The following OR4S1 variants were observed in gnomAD, a reference collection of about 807,000 sequenced individuals.
The protein encoded by OR4S1 is olfactory receptor family 4 subfamily S member 1.
For missense variants in OR4S1, 531 were observed against 383.0 expected, an observed-to-expected ratio of 1.39 and a Z score of -3.23; for synonymous variants, 197 against 144.5, an observed-to-expected ratio of 1.36 and a Z score of -2.61.
chr11:48,306,892 A>G lies in OR4S1; in HGVS notation c.670A>G (p.Arg224Gly). 1 of 1,614,188 alleles carries G rather than the reference A, an allele frequency of 6.2e-7. No individual in the cohort carries two copies. The highest frequency in any genetic ancestry group is 1.1e-5 in the South Asian group (1 of 91,082). The change falls in exon 1 of 1, where the codon AGA becomes GGA. Residue 224 changes from arginine (R) to glycine (G), a missense_variant. Arg to Gly is a moderately radical substitution (Grantham distance 125). Transcript: ENST00000319988. ...CTATGTTATCATCTTACTGAACCTA[A>G]GAAGCCAGTCATCTGAGGACCGGCG... ...ISYVIILLNL[R>G]SQSSEDRRKA... is the part of the protein sequence containing the mutation.
At position 48,307,079 on chromosome 11, in the gene OR4S1, C is replaced by T. The variant is rs1851994668; in HGVS notation, c.857C>T (p.Thr286Ile). The T allele has an allele frequency of 6.2e-7, 1 of 1,613,942 alleles. No individual in the cohort carries two copies. The highest frequency in any genetic ancestry group is 1.7e-5 in the Admixed American group (1 of 60,000). The change falls in exon 1 of 1, where the codon ACA becomes ATA. Residue 286 changes from threonine (T) to isoleucine (I), a missense_variant. Transcript: ENST00000319988. ...CCTTTGCTGAACCCTTTGATCTATACACTAAGGAACAACGATGTGAAAAAT... is the reference window on the plus strand; with the variant it reads ...CCTTTGCTGAACCCTTTGATCTATATACTAAGGAACAACGATGTGAAAAAT... ...MPPLLNPLIY[T>I]LRNNDVKNAM...
rs1365062662 is a variant in OR4S1, at chr11:48,307,116, G to A, written c.894G>A (p.Lys298=). 1.2e-6 allele frequency: 2 copies of A among 1,614,094 alleles called. No individual in the cohort carries two copies. The highest frequency in any genetic ancestry group is 1.7e-6 in the Non-Finnish European group (2 of 1,179,934). The change falls in exon 1 of 1, where the codon AAG becomes AAA. Residue 298 remains lysine (K), a synonymous_variant. Transcript: ENST00000319988. ...ACGATGTGAAAAATGCCATGAGGAA[G>A]CTGTTTAGGGTCAAGAGGAGCTTAG... ...RNNDVKNAMR[K]LFRVKRSLGE... is the part of the protein sequence containing the mutation.
In OR4S1 at chr11:48,306,675, C is replaced by T. The variant is rs750947143; in HGVS notation, c.453C>T (p.Phe151=). The change falls in exon 1 of 1, where the codon TTC becomes TTT. Residue 151 remains phenylalanine (F), a synonymous_variant. Coordinates refer to ENST00000319988, the MANE Select transcript of OR4S1 (RefSeq NM_001004725.1). ...LLAGASWLAG[F]LHSILQTLLT... ...CGGGGGCCTCCTGGTTAGCTGGCTT[C>T]CTGCATTCCATCCTGCAGACCCTCC... The T allele has an allele frequency of 1.9e-6, 3 of 1,614,104 alleles. No homozygotes were observed. In the South Asian group the frequency reaches 3.3e-5, roughly 18 times the overall value.
chr11:48,307,110 G>A lies in OR4S1; in HGVS notation c.888G>A (p.Met296Ile), dbSNP rs1037722362. The change falls in exon 1 of 1, where the codon ATG becomes ATA. Residue 296 changes from methionine to isoleucine, a missense_variant. By Grantham distance (10) the Met-to-Ile change is conservative. Coordinates refer to ENST00000319988, the MANE Select transcript of OR4S1 (RefSeq NM_001004725.1). ...GGAACAACGATGTGAAAAATGCCATGAGGAAGCTGTTTAGGGTCAAGAGGA... is the reference window on the plus strand; with the variant it reads ...GGAACAACGATGTGAAAAATGCCATAAGGAAGCTGTTTAGGGTCAAGAGGA... ...TLRNNDVKNAMRKLFRVKRSL... is the reference protein window; with the variant it reads ...TLRNNDVKNAIRKLFRVKRSL... 3 of 1,614,106 alleles carry A rather than the reference G, an allele frequency of 1.9e-6. No individual in the cohort carries two copies. The South Asian group carries it at 3.3e-5, about 18-fold the overall frequency.
chr11:48,306,936 T>C lies in OR4S1; in HGVS notation c.714T>C (p.Cys238=). The C allele has an allele frequency of 1.2e-6, 2 of 1,614,226 alleles. No homozygotes were observed. Among genetic ancestry groups the C allele is most frequent in the South Asian group, 1.1e-5 (1 of 91,086 alleles). Residue 238 remains cysteine, a synonymous_variant, in exon 1 of 1, where the codon TGT becomes TGC. Transcript: ENST00000319988. ...SEDRRKAVST[C]GSHVITVLLV... ...ACCGGCGTAAGGCTGTCTCCACATG[T>C]GGCTCACACGTAATCACTGTCCTTT...
At position 48,306,781 on chromosome 11, in the gene OR4S1, T is replaced by C; in HGVS notation, c.559T>C (p.Cys187Arg). The C allele has an allele frequency of 1.2e-6, 2 of 1,614,242 alleles. No individual in the cohort carries two copies. The highest frequency in any genetic ancestry group is 1.7e-6 in the Non-Finnish European group (2 of 1,180,028). ...CDVHPLLKLA[C>R]ADTYMVGLIV... The stretch of plus-strand genomic sequence containing the variant: ...TGTTCATCCCCTGCTCAAGTTGGCC[T>C]GTGCAGACACCTACATGGTAGGTCT... Residue 187 changes from cysteine (C) to arginine (R), a missense_variant, in exon 1 of 1, where the codon TGT becomes CGT. Transcript: ENST00000319988.
In OR4S1 at chr11:48,306,507, C is replaced by T. The variant is rs1230287584; in HGVS notation, c.285C>T (p.Cys95=). The change falls in exon 1 of 1, where the codon TGC becomes TGT. Residue 95 remains cysteine (C), a synonymous_variant. Coordinates refer to ENST00000319988, the MANE Select transcript of OR4S1 (RefSeq NM_001004725.1). Reference sequence around the variant, plus strand: ...ATAAGATCATCTCCTTCAATGGCTGCATGACCCAGCTCTTTTCTGCCCACT... The same window carrying T: ...ATAAGATCATCTCCTTCAATGGCTGTATGACCCAGCTCTTTTCTGCCCACT... ...VEHKIISFNG[C]MTQLFSAHFF... The T allele has an allele frequency of 6.2e-7, 1 of 1,608,330 alleles. No individual in the cohort carries two copies. The highest frequency in any genetic ancestry group is 1.7e-5 in the Admixed American group (1 of 59,752).
In OR4S1 at chr11:48,306,295, T is replaced by C. The variant is rs750766717; in HGVS notation, c.73T>C (p.Cys25Arg). The change falls in exon 1 of 1, where the codon TGC becomes CGC. Residue 25 changes from cysteine to arginine, a missense_variant. By Grantham distance (180) the Cys-to-Arg change is radical (BLOSUM62 -3). Transcript: ENST00000319988. ...LFESREMQHT[C>R]FVVFFLFHVL... ...TGAGAGCAGAGAGATGCAGCATACA[T>C]GCTTTGTGGTATTCTTCCTCTTTCA... 1 of 1,605,484 alleles carries C rather than the reference T, an allele frequency of 6.2e-7. No homozygotes were observed. The highest frequency in any genetic ancestry group is 8.5e-7 in the Non-Finnish European group (1 of 1,173,740).
rs146061383 is a variant in OR4S1, at chr11:48,306,494, C to G, written c.272C>G (p.Ser91Cys). ...ACTTTTGTGGAGCATAAGATCATCT[C>G]CTTCAATGGCTGCATGACCCAGCTC... ...ADTFVEHKIISFNGCMTQLFS... is the reference protein window; with the variant it reads ...ADTFVEHKIICFNGCMTQLFS... Residue 91 changes from serine (S) to cysteine (C), a missense_variant, in exon 1 of 1, where the codon TCC becomes TGC. By Grantham distance (112) the Ser-to-Cys change is moderately radical. Transcript: ENST00000319988. The G allele has an allele frequency of 3.7e-6, 6 of 1,609,098 alleles. No individual in the cohort carries two copies. The African/African-American group carries it at 8.0e-5, about 22-fold the overall frequency.
At position 48,306,331 on chromosome 11, in the gene OR4S1, G is replaced by C. The variant is rs754577797; in HGVS notation, c.109G>C (p.Val37Leu). The change falls in exon 1 of 1, where the codon GTC becomes CTC. Residue 37 changes from valine to leucine, a missense_variant. Transcript: ENST00000319988. ...ATTCTTCCTCTTTCATGTGCTCACTGTCCTGGGGAACCTTCTGGTCATCAT... is the reference window on the plus strand; with the variant it reads ...ATTCTTCCTCTTTCATGTGCTCACTCTCCTGGGGAACCTTCTGGTCATCAT... Reference protein sequence around the residue: ...VVFFLFHVLTVLGNLLVIITI... With the variant: ...VVFFLFHVLTLLGNLLVIITI... The C allele has an allele frequency of 2.5e-6, 4 of 1,604,856 alleles. No homozygotes were observed. The highest frequency in any genetic ancestry group is 3.4e-6 in the Non-Finnish European group (4 of 1,172,970).
Position 48,307,048 on chromosome 11 carries a change from A to G in OR4S1, c.826A>G (p.Met276Val), listed in dbSNP as rs1255285310. ...DKLIILFNIV[M>V]PPLLNPLIYT... Reference sequence around the variant, plus strand: ...ACTTATCATCCTCTTTAACATTGTGATGCCACCTTTGCTGAACCCTTTGAT... The same window carrying G: ...ACTTATCATCCTCTTTAACATTGTGGTGCCACCTTTGCTGAACCCTTTGAT... Residue 276 changes from methionine to valine, a missense_variant, in exon 1 of 1, where the codon ATG (methionine) becomes GTG (valine). By Grantham distance (21) the Met-to-Val change is conservative (BLOSUM62 1). Coordinates refer to ENST00000319988, the MANE Select transcript of OR4S1 (RefSeq NM_001004725.1). 2 of 1,614,082 alleles carry G rather than the reference A, an allele frequency of 1.2e-6. No homozygotes were observed. Among genetic ancestry groups the G allele is most frequent in the South Asian group, 1.1e-5 (1 of 91,080 alleles).
chr11:48,306,601 C>A lies in OR4S1; in HGVS notation c.379C>A (p.Pro127Thr), dbSNP rs752920939. The change falls in exon 1 of 1, where the codon CCC becomes ACC. Residue 127 changes from proline to threonine, a missense_variant. Pro to Thr is a conservative substitution (Grantham distance 38, BLOSUM62 -1). Coordinates refer to ENST00000319988, the MANE Select transcript of OR4S1 (RefSeq NM_001004725.1). ...TGACCGCTATGTGGCCATCTGTAGG[C>A]CCCTGCACTACACAGCCATCATGGA... is the stretch of plus-strand genomic sequence containing the variant. ...AYDRYVAICR[P>T]LHYTAIMDCR... 1.0e-5 allele frequency: 16 copies of A among 1,560,056 alleles called. No individual in the cohort carries two copies. The highest frequency in any genetic ancestry group is 1.4e-5 in the Non-Finnish European group (16 of 1,136,106).
rs180728690 is a variant in OR4S1 at position 48,306,715 on chromosome 11, C to T, written c.493C>T (p.Pro165Ser). 178 of 1,614,160 alleles carry T rather than the reference C, an allele frequency of 1.1e-4. No homozygotes were observed. The highest frequency in any genetic ancestry group is 4.9e-4 in the Middle Eastern group (3 of 6,062). Residue 165 changes from proline (P) to serine (S), a missense_variant, in exon 1 of 1, where the codon CCT becomes TCT. Transcript: ENST00000319988. ...GCAGACCCTCCTCACGGTTCAGCTG[C>T]CTTTTTGTGGGCCCAATGAGATAGA... is the stretch of plus-strand genomic sequence containing the variant. ...ILQTLLTVQL[P>S]FCGPNEIDNF...
chr11:48,307,050 G>A lies in OR4S1; in HGVS notation c.828G>A (p.Met276Ile). 1.9e-6 allele frequency: 3 copies of A among 1,614,012 alleles called. No individual in the cohort carries two copies. The highest frequency in any genetic ancestry group is 1.6e-4 in the Middle Eastern group (1 of 6,062). The change falls in exon 1 of 1, where the codon ATG becomes ATA. Residue 276 changes from methionine to isoleucine, a missense_variant. Transcript: ENST00000319988. Reference sequence around the variant, plus strand: ...TTATCATCCTCTTTAACATTGTGATGCCACCTTTGCTGAACCCTTTGATCT... The same window carrying A: ...TTATCATCCTCTTTAACATTGTGATACCACCTTTGCTGAACCCTTTGATCT... Reference protein sequence around the residue: ...DKLIILFNIVMPPLLNPLIYT... With the variant: ...DKLIILFNIVIPPLLNPLIYT...
chr11:48,306,739 G>A lies in OR4S1; in HGVS notation c.517G>A (p.Asp173Asn). 1 of 1,614,154 alleles carries A rather than the reference G, an allele frequency of 6.2e-7. No homozygotes were observed. Among genetic ancestry groups the A allele is most frequent in the Non-Finnish European group, 8.5e-7 (1 of 1,180,018 alleles). Residue 173 changes from aspartate to asparagine, a missense_variant, in exon 1 of 1, where the codon GAC becomes AAC. Coordinates refer to ENST00000319988, the MANE Select transcript of OR4S1 (RefSeq NM_001004725.1). ...GCCTTTTTGTGGGCCCAATGAGATA[G>A]ACAACTTCTTCTGTGATGTTCATCC... Reference protein sequence around the residue: ...QLPFCGPNEIDNFFCDVHPLL... With the variant: ...QLPFCGPNEINNFFCDVHPLL...
rs763956875 is a variant in OR4S1 at position 48,307,098 on chromosome 11, G to C, written c.876G>C (p.Val292=). 6.8e-6 allele frequency: 11 copies of C among 1,613,918 alleles called. No individual in the cohort carries two copies. The South Asian group carries it at 1.2e-4, about 18-fold the overall frequency. The change falls in exon 1 of 1, where the codon GTG becomes GTC. Residue 292 remains valine, a synonymous_variant. Coordinates refer to ENST00000319988, the MANE Select transcript of OR4S1 (RefSeq NM_001004725.1). ...TCTATACACTAAGGAACAACGATGT[G>C]AAAAATGCCATGAGGAAGCTGTTTA... ...PLIYTLRNND[V]KNAMRKLFRV...
Position 48,306,275 on chromosome 11 carries a change from G to A in OR4S1, c.53G>A (p.Ser18Asn), listed in dbSNP as rs1164675421. The A allele has an allele frequency of 6.9e-6, 11 of 1,604,256 alleles. No individual in the cohort carries two copies. Among genetic ancestry groups the A allele is most frequent in the South Asian group, 1.1e-5 (1 of 90,682 alleles). ...TTTGTTTTATTTGGCCTTTTTGAGA[G>A]CAGAGAGATGCAGCATACATGCTTT... ...TEFVLFGLFE[S>N]REMQHTCFVV... is the part of the protein sequence containing the mutation. Residue 18 changes from serine to asparagine, a missense_variant, in exon 1 of 1, where the codon AGC becomes AAC. Coordinates refer to ENST00000319988, the MANE Select transcript of OR4S1 (RefSeq NM_001004725.1).
chr11:48,306,520 T>C lies in OR4S1; in HGVS notation c.298T>C (p.Phe100Leu), dbSNP rs1851984802. Residue 100 changes from phenylalanine to leucine, a missense_variant, in exon 1 of 1, where the codon TTT (phenylalanine) becomes CTT (leucine). By Grantham distance (22) the Phe-to-Leu change is conservative. Transcript: ENST00000319988. ...ISFNGCMTQL[F>L]SAHFFGGTEI... is the part of the protein sequence containing the mutation. ...CTTCAATGGCTGCATGACCCAGCTC[T>C]TTTCTGCCCACTTCTTTGGTGGCAC... The C allele has an allele frequency of 1.2e-6, 2 of 1,609,440 alleles. No homozygotes were observed. Among genetic ancestry groups the C allele is most frequent in the Non-Finnish European group, 1.7e-6 (2 of 1,176,200 alleles).
In OR4S1 at chr11:48,306,396, T is replaced by C. The variant is rs755614162; in HGVS notation, c.174T>C (p.Tyr58=). The C allele has an allele frequency of 6.2e-6, 10 of 1,608,704 alleles. No homozygotes were observed. The highest frequency in any genetic ancestry group is 1.3e-5 in the African/African-American group (1 of 74,880). Residue 58 remains tyrosine, a synonymous_variant, in exon 1 of 1, where the codon TAT becomes TAC. Coordinates refer to ENST00000319988, the MANE Select transcript of OR4S1 (RefSeq NM_001004725.1). ...NARKTLKSPM[Y]FFLSQLSFAD... ...GAAAGACCCTGAAGTCTCCCATGTATTTCTTCCTGAGCCAGTTGTCTTTTG... is the reference window on the plus strand; with the variant it reads ...GAAAGACCCTGAAGTCTCCCATGTACTTCTTCCTGAGCCAGTTGTCTTTTG...
Sources: allele counts gnomAD v4.1 joint callset, GRCh38; gene constraint gnomAD v4.1.1; transcripts MANE v1.5; gene names NCBI Gene and HGNC (gene_info 2026-07-23, HGNC 2026-07-21).